Variants in MAEL observed in about 807,000 individuals in gnomAD.
MAEL encodes protein maelstrom homolog.
In MAEL, 46 loss-of-function variants were observed where a neutral mutation model predicts 62.0. The observed-to-expected ratio is 0.74, with a 90% confidence interval of 0.59 to 0.95. The LOEUF (loss-of-function observed/expected upper bound fraction) is 0.95, where lower values mean the gene tolerates loss of function less well. Among genes scored for constraint, MAEL ranks in the 40% least tolerant of loss-of-function variants. The probability of loss-of-function intolerance (pLI) is 0.00; values close to 1 mark genes in which losing one functional copy is unlikely to be tolerated. For synonymous variants in MAEL, 172 were observed against 175.5 expected (o/e 0.98, Z 0.16); for missense variants, 497 against 526.8 (o/e 0.94, Z 0.55).
At chr1:166,995,788 T>G (rs1664402221) in intron 5 of MAEL, among the ~76,000 whole-genome samples, 1 of 152,362 alleles carries the variant, frequency 6.6e-6, no homozygotes. Flanking sequence ...GAATCCCTAC[T>G]ATGTGCCAGA....
intron 1 of MAEL, 51 bp downstream of exon 1, chr1:166,989,535 G>T (rs779502331): frequency 1.2e-5 from 18 of 1,563,086 alleles, no homozygotes; most frequent in Middle Eastern, 1.7e-4. Context: ...GGGCAAGCCG[G>T]AGGGTGAGGC....
chr1:167,007,470 A>C (rs570983897), intron 8 of MAEL, among the ~76,000 whole-genome samples: 1 of 152,154 alleles, frequency 6.6e-6, no homozygotes. Context: ...CAGTTAGGAG[A>C]TAGAATCTGG....
intron 1 of MAEL, among the ~76,000 whole-genome samples, chr1:166,979,194 C>T (rs1430990227): frequency 2.6e-5 from 4 of 152,176 alleles, no homozygotes; most frequent in Admixed American, 6.5e-5. Context: ...TTCTACTTCT[C>T]CTCTCTGATC....
At chr1:166,989,636 C>G (rs1664071914) in intron 1 of MAEL, 101 bp from the exon 2 acceptor site, 34 of 1,457,370 alleles carry the variant, frequency 2.3e-5, no homozygotes, top group Non-Finnish European at 3.1e-5. Flanking sequence ...CAAACCGACA[C>G]CAGAACCACC....
intron 1 of MAEL, among the ~76,000 whole-genome samples, chr1:166,979,012 GA>G (rs999354271): frequency 6.6e-6 from 1 of 152,206 alleles, no homozygotes; most frequent in African/African-American, 2.4e-5. Flanking sequence ...AGAGAAAAGA[GA>G]AGTGAACCAC....
chr1:166,990,190 G>GC (rs1664107300), intron 2 of MAEL: 1 of 99,690 alleles, frequency 1.0e-5, no homozygotes, highest in South Asian at 4.4e-4. Flanking sequence ...TTGGCGGGGG[G>GC]TGGGGGGTGG....
chr1:166,980,942 A>C (rs1428715221), intron 1 of MAEL, among the ~76,000 whole-genome samples: 1 of 152,218 alleles, frequency 6.6e-6, no homozygotes, highest in East Asian at 1.9e-4. Context: ...ATTCTCCTAA[A>C]GGCCTTCTTC....
intron 5 of MAEL, among the ~76,000 whole-genome samples, chr1:166,995,374 G>T (rs1444905104): frequency 4.6e-5 from 7 of 151,954 alleles, no homozygotes; most frequent in African/African-American, 1.7e-4. Flanking sequence ...CAAGTAGCTG[G>T]GATTACAGGC....
chr1:167,009,051 C>T (rs761777091), intron 8 of MAEL, among the ~76,000 whole-genome samples: 5 of 152,144 alleles, frequency 3.3e-5, no homozygotes, highest in African/African-American at 4.8e-5. Context: ...CACACACATA[C>T]ATCATCTACA....
intron 2 of MAEL, among the ~76,000 whole-genome samples, chr1:166,991,014 C>T (rs1327006221): frequency 6.6e-6 from 1 of 152,180 alleles, no homozygotes; most frequent in Non-Finnish European, 1.5e-5. Context: ...ACAACATAAT[C>T]TGGTTTTGAC....
At position 167,005,150 on chromosome 1, in the gene MAEL, G is replaced by A. The variant is rs1231339658; in HGVS notation, c.703+20G>A. The A allele has an allele frequency of 5.0e-6, 8 of 1,613,218 alleles. No homozygotes were observed. The highest frequency in any genetic ancestry group is 6.8e-6 in the Non-Finnish European group (8 of 1,179,524). On this transcript the variant is annotated intron_variant, in intron 7 of 11. Transcript: ENST00000367872. ...CATCAGGTAAGTAAAACTCTGGGTTGCTGCAGAAGTGCTTTATAGTTAATA... is the reference window on the plus strand; with the variant it reads ...CATCAGGTAAGTAAAACTCTGGGTTACTGCAGAAGTGCTTTATAGTTAATA...
intron 8 of MAEL, among the ~76,000 whole-genome samples, chr1:167,007,956 T>G (rs1352976291): frequency 6.6e-6 from 1 of 152,160 alleles, no homozygotes; most frequent in Non-Finnish European, 1.5e-5. Flanking sequence ...TATTAATAGT[T>G]AAGTTCGTTT....
At chr1:167,003,722 G>T (rs772655498) in intron 5 of MAEL, among the ~76,000 whole-genome samples, 3 of 152,078 alleles carry the variant, frequency 2.0e-5, no homozygotes, top group African/African-American at 4.8e-5. Context: ...TTTATTTTCT[G>T]TGGGAAAGTT....
At chr1:166,977,042 G>A (rs1216386045) in intron 1 of MAEL, among the ~76,000 whole-genome samples, 1 of 152,192 alleles carries the variant, frequency 6.6e-6, no homozygotes, top group Admixed American at 6.5e-5. Context: ...GTGGAGAATT[G>A]ATTTTGTCAC....
At chr1:167,000,249 G>A (rs1019501826) in intron 5 of MAEL, among the ~76,000 whole-genome samples, 11 of 152,296 alleles carry the variant, frequency 7.2e-5, no homozygotes, top group African/African-American at 2.4e-4. Context: ...ATGCCATTAA[G>A]AACATACATA....
At chr1:166,987,694 A>C (rs184046663), upstream of MAEL, among the ~76,000 whole-genome samples, 354 of 152,348 alleles carry the variant, frequency 2.3e-3, 1 homozygote, top group Middle Eastern at 0.01. Flanking sequence ...TAATTACAAA[A>C]ATTAGGTGAA....
intron 8 of MAEL, 151 bp from the exon 9 acceptor site, chr1:167,016,071 A>G: frequency 2.9e-6 from 2 of 696,220 alleles, no homozygotes; most frequent in Non-Finnish European, 5.1e-6. Context: ...TAGCATTAAA[A>G]TCTGTTTTTT....
chr1:166,985,936 C>T (rs1005751456), upstream of MAEL, among the ~76,000 whole-genome samples: 4 of 151,872 alleles, frequency 2.6e-5, no homozygotes, highest in Admixed American at 1.3e-4. Flanking sequence ...TGTTAAACAA[C>T]GTAAAGGAAG....
At chr1:166,992,968 C>A in intron 4 of MAEL, 127 bp downstream of exon 4, 1 of 750,642 alleles carries the variant, frequency 1.3e-6, no homozygotes, top group Non-Finnish European at 1.9e-6. Flanking sequence ...TGTAACAAGA[C>A]TTCATAATGC....
Sources: allele counts gnomAD v4.1 joint callset (sites outside exome capture counted in the v4.1 genomes callset), GRCh38; gene constraint gnomAD v4.1.1; transcripts MANE v1.5; gene names NCBI Gene and HGNC (gene_info 2026-07-23, HGNC 2026-07-21).